The following CCNB3 variants were observed in gnomAD, a reference collection of about 807,000 sequenced individuals.
CCNB3 encodes cyclin B3.
Under a neutral mutation model 68.0 loss-of-function variants are expected in CCNB3, and 12 were observed. The observed-to-expected ratio is 0.18, with a 90% confidence interval of 0.11 to 0.29. The LOEUF (loss-of-function observed/expected upper bound fraction) is 0.29, where lower values mean the gene tolerates loss of function less well. Ranked by LOEUF, CCNB3 falls within the 10% of genes least tolerant of loss-of-function variation. The pLI is 1.00. For synonymous variants in CCNB3, 354 were observed against 388.9 expected, an observed-to-expected ratio of 0.91 and a Z score of 1.06; for missense variants, 904 against 993.1, an observed-to-expected ratio of 0.91 and a Z score of 1.21.
At chrX:50,227,065 A>C (rs1279943523) in intron 1 of CCNB3, among the ~76,000 whole-genome samples, 3 of 81,336 alleles carry the variant, frequency 3.7e-5, no homozygotes, top group African/African-American at 9.9e-5. Context: ...TAGAATATAT[A>C]TACAAATATA....
chrX:50,325,914 A>G (rs1424166240), intron 8 of CCNB3, among the ~76,000 whole-genome samples: 1 of 107,931 alleles, frequency 9.3e-6, no homozygotes, highest in Non-Finnish European at 1.9e-5. Context: ...TTTTTTTTTT[A>G]TTATCCTTTC....
intron 5 of CCNB3, among the ~76,000 whole-genome samples, chrX:50,307,709 A>G (rs1458382652): frequency 2.7e-5 from 3 of 110,505 alleles, no homozygotes; most frequent in Non-Finnish European, 5.7e-5. Context: ...TCCCAGCCTC[A>G]GGAAACCACT....
rs1465485764 is a variant in CCNB3 at position 50,299,974 on chromosome X, TC to T, written c.335+4983del. Among the ~76,000 whole-genome samples the T allele has an allele frequency of 5.4e-5, 6 of 111,574 alleles. No individual in the cohort carries two copies. The Admixed American group carries it at 5.7e-4, about 11-fold the overall frequency. On this transcript the variant is annotated intron_variant, in intron 5 of 12. Transcript: ENST00000376042. ...TTGCAACCCCTGCCTTTTTTTGTTT[TC>T]CATTTGCTTGGTAGATCTTCCTCCA...
chrX:50,226,258 T>TTATATATATAGAATATATATATC (rs1935783030), intron 1 of CCNB3, among the ~76,000 whole-genome samples: 3 of 61,276 alleles, frequency 4.9e-5, no homozygotes, highest in Non-Finnish European at 8.0e-5. Context: ...ATATATATAT[T>TTATATATATAGAATATATATATC]TATATATATA....
Position 50,285,227 on chromosome X carries a change from A to C in CCNB3, c.64A>C (p.Ile22Leu). ...PVPKKSQSSK[I>L]VPSHHDPSEK... ...GCCTAAGAAATCTCAGTCCAGCAAA[A>C]TTGTGCCCAGTCATCATGACCCATC... Residue 22 changes from isoleucine (I) to leucine (L), a missense_variant, in exon 3 of 13, where the codon ATT becomes CTT. Physicochemically the swap from Ile to Leu is conservative, Grantham distance 5. Coordinates refer to ENST00000376042, the MANE Select transcript of CCNB3 (RefSeq NM_033031.3). The C allele has an allele frequency of 8.3e-7, 1 of 1,210,030 alleles. No homozygotes were observed. The highest frequency in any genetic ancestry group is 1.1e-6 in the Non-Finnish European group (1 of 894,192).
In CCNB3 at chrX:50,280,135, G is replaced by GTAAAAATATATATAGAATATATA. The variant is rs1936099001; in HGVS notation, c.-112-4402_-112-4380dup. 2.4e-4 allele frequency among the ~76,000 whole-genome samples: 4 copies of GTAAAAATATATATAGAATATATA among 16,830 alleles called. No homozygotes were observed. In the Admixed American group the frequency reaches 2.5e-3, roughly 10 times the overall value. 14.6% of individuals were successfully genotyped at this position (16,830 alleles called of 115,157 possible). The stretch of plus-strand genomic sequence containing the variant: ...ATATATAAATATATATAGAATATAT[G>GTAAAAATATATATAGAATATATA]TAAAAATATATATAGAATATATATA... On this transcript the variant is annotated intron_variant, in intron 1 of 12. Transcript: ENST00000376042.
chrX:50,279,856 T>C (rs1936075252), intron 1 of CCNB3, among the ~76,000 whole-genome samples: 1 of 87,372 alleles, frequency 1.1e-5, no homozygotes, highest in South Asian at 5.0e-4. Flanking sequence ...ATATAAAATA[T>C]ATATACTATA....
At chrX:50,313,750 T>C in intron 7 of CCNB3, 106 bp from the exon 8 acceptor site, 1 of 561,218 alleles carries the variant, frequency 1.8e-6, no homozygotes, top group South Asian at 3.6e-5. Context: ...CTAATACCAG[T>C]TGAAAACAAG....
rs1482224526 is a variant in CCNB3, at chrX:50,227,875, A to G, written c.-113+22925A>G. On this transcript the variant is annotated intron_variant, in intron 1 of 12. Coordinates refer to ENST00000376042, the MANE Select transcript of CCNB3 (RefSeq NM_033031.3). ...AAATATATATGGAGAATATATAAAT[A>G]TATAGAGAGAAAATATATAAATATA... Among the ~76,000 whole-genome samples, 3 of 85,491 alleles carry G rather than the reference A, an allele frequency of 3.5e-5. No individual in the cohort carries two copies. In the East Asian group the frequency reaches 9.8e-4, roughly 28 times the overall value. 74.2% of individuals were successfully genotyped at this position (85,491 alleles called of 115,157 possible).
chrX:50,303,452 GT>G (rs369109105), intron 5 of CCNB3, among the ~76,000 whole-genome samples: 555 of 99,653 alleles, frequency 5.6e-3, no homozygotes, highest in African/African-American at 0.014. Flanking sequence ...AGCTGGCAGT[GT>G]TTTTTTTTTT....
chrX:50,343,323 A>G (rs782055946), intron 9 of CCNB3, among the ~76,000 whole-genome samples: 66 of 111,714 alleles, frequency 5.9e-4, no homozygotes, highest in Non-Finnish European at 1.2e-3. Flanking sequence ...ACATATGTAT[A>G]CATGTGCCAT....
At chrX:50,283,450 A>G (rs961680391) in intron 1 of CCNB3, among the ~76,000 whole-genome samples, 8 of 111,567 alleles carry the variant, frequency 7.2e-5, no homozygotes, top group Non-Finnish European at 1.5e-4. Flanking sequence ...TTGTTGTGAG[A>G]ATCAACTGAG....
intron 1 of CCNB3, among the ~76,000 whole-genome samples, chrX:50,280,220 T>TATATAAATATATGTATAGAATATAG (rs1936108031): frequency 2.9e-5 from 2 of 68,481 alleles, no homozygotes; most frequent in Non-Finnish European, 5.5e-5. Flanking sequence ...TTTTAGAATA[T>TATATAAATATATGTATAGAATATAG]ATATAAATAT....
intron 1 of CCNB3, among the ~76,000 whole-genome samples, chrX:50,226,176 T>C (rs1203005364): frequency 4.0e-4 from 21 of 52,003 alleles, no homozygotes; most frequent in Non-Finnish European, 5.9e-4. Flanking sequence ...CGAATATACA[T>C]ATATAGATAT....
chrX:50,208,162 C>T (rs1935406255), intron 1 of CCNB3, among the ~76,000 whole-genome samples: 2 of 111,988 alleles, frequency 1.8e-5, no homozygotes, highest in Non-Finnish European at 1.9e-5. Context: ...CAGGCACCTC[C>T]TGCCTAGCAC....
intron 1 of CCNB3, among the ~76,000 whole-genome samples, chrX:50,219,319 G>T (rs976560858): frequency 6.3e-5 from 7 of 110,962 alleles, no homozygotes; most frequent in African/African-American, 2.3e-4. Flanking sequence ...CATTGCTTTT[G>T]GTGTTTTAGT....
intron 3 of CCNB3, among the ~76,000 whole-genome samples, chrX:50,286,894 C>T (rs1301225546): frequency 8.9e-6 from 1 of 112,222 alleles, no homozygotes; most frequent in African/African-American, 3.2e-5. Context: ...ATGATCCATC[C>T]GCCTCAGCCT....
Position 50,285,232 on chromosome X carries a change from G to T in CCNB3, c.69G>T (p.Val23=), listed in dbSNP as rs1936215520. 1 of 1,207,412 alleles carries T rather than the reference G, an allele frequency of 8.3e-7. No homozygotes were observed. Among genetic ancestry groups the T allele is most frequent in the African/African-American group, 1.8e-5 (1 of 57,050 alleles). Residue 23 remains valine (V), a synonymous_variant, in exon 3 of 13, where the codon GTG becomes GTT. Coordinates refer to ENST00000376042, the MANE Select transcript of CCNB3 (RefSeq NM_033031.3). ...AGAAATCTCAGTCCAGCAAAATTGT[G>T]CCCAGTCATCATGACCCATCTGAAA... ...VPKKSQSSKI[V]PSHHDPSEKT...
chrX:50,228,112 TATAA>T (rs1228105323), intron 1 of CCNB3, among the ~76,000 whole-genome samples: 2 of 89,200 alleles, frequency 2.2e-5, no homozygotes, highest in Non-Finnish European at 4.2e-5. Flanking sequence ...ATAGAGAATA[TATAA>T]ATAATATATG....
Sources: allele counts gnomAD v4.1 joint callset (sites outside exome capture counted in the v4.1 genomes callset), GRCh38; gene constraint gnomAD v4.1.1; transcripts MANE v1.5; gene names NCBI Gene and HGNC (gene_info 2026-07-23, HGNC 2026-07-21).